The following RANBP9 variants were observed in gnomAD, a reference collection of about 807,000 sequenced individuals.
RANBP9 encodes RAN binding protein 9, also known as ran-binding protein 9.
In RANBP9, 15 loss-of-function variants were observed where a neutral mutation model predicts 84.3. The observed-to-expected ratio is 0.18, with a 90% CI of 0.12 to 0.27. The LOEUF is 0.27. RANBP9 is among the 10% of genes least tolerant of loss of function. The probability of loss-of-function intolerance (pLI) is 1.00; values close to 1 mark genes in which losing one functional copy is unlikely to be tolerated. For synonymous variants in RANBP9, 392 were observed against 349.6 expected, an observed-to-expected ratio of 1.12 and a Z score of -1.35; for missense variants, 809 against 912.8, an observed-to-expected ratio of 0.89 and a Z score of 1.46.
intron 1 of RANBP9, among the ~76,000 whole-genome samples, chr6:13,701,350 T>C (rs1387873496): frequency 6.6e-6 from 1 of 152,226 alleles, no homozygotes; most frequent in African/African-American, 2.4e-5. Flanking sequence ...CTACCAACAA[T>C]ATTTTTAGAA....
Position 13,686,118 on chromosome 6 carries a change from C to A in RANBP9, c.683+10667G>T, listed in dbSNP as rs866270847. ...AATTTCTTCCCCCCCCCCCCCCCGC[C>A]CCCCGAAATAGAGTCTCACTCTGTA... On this transcript the variant is annotated intron_variant, in intron 2 of 13. Transcript: ENST00000011619. Among the ~76,000 whole-genome samples, 21 of 37,004 alleles carry A rather than the reference C, an allele frequency of 5.7e-4. 4 individuals are homozygous for A. Among genetic ancestry groups the A allele is most frequent in the Non-Finnish European group, 8.0e-4 (16 of 20,106 alleles). The allele number at this position is 37,004 out of a possible 152,430, so 24.3% of individuals were successfully genotyped here.
Position 13,642,540 on chromosome 6 carries a change from G to C in RANBP9, c.1164C>G (p.Ala388=). 6.2e-7 allele frequency: 1 copy of C among 1,612,050 alleles called. No individual in the cohort carries two copies. Among genetic ancestry groups the C allele is most frequent in the Non-Finnish European group, 8.5e-7 (1 of 1,178,680 alleles). Residue 388 remains alanine (A), a synonymous_variant, in exon 7 of 14, where the codon GCC becomes GCG. Coordinates refer to ENST00000011619, the MANE Select transcript of RANBP9 (RefSeq NM_005493.3). ...CGGTCTGGTCTGTAGATCTGGCAAA[G>C]GCCTCTGCTGTGGCACAGTACCCAT... The part of the protein sequence containing the change: ...VHHGYCATAE[A]FARSTDQTVL...
At chr6:13,683,556 C>A (rs1766095122) in intron 2 of RANBP9, among the ~76,000 whole-genome samples, 1 of 151,722 alleles carries the variant, frequency 6.6e-6, no homozygotes, top group South Asian at 2.1e-4. Flanking sequence ...CATCTTAAAC[C>A]TATTTTTCTT....
Position 13,689,899 on chromosome 6 carries a change from A to G in RANBP9, c.683+6886T>C, listed in dbSNP as rs115141050. Among the ~76,000 whole-genome samples the G allele has an allele frequency of 2.6e-5, 4 of 152,296 alleles. 1 individual carries two copies. Among genetic ancestry groups the G allele is most frequent in the Non-Finnish European group, 4.4e-5 (3 of 68,010 alleles). ...TTTCTGCTTCCTGCCTTGTCCCACC[A>G]TATCTTCCAAACACCATATACCAAC... is the stretch of plus-strand genomic sequence containing the variant. On this transcript the variant is annotated intron_variant, in intron 2 of 13. Transcript: ENST00000011619.
rs1449690467 is a variant in RANBP9 at position 13,711,497 on chromosome 6, C to G, written c.9G>C (p.Gly3=). MS[G]QPPPPPPQQQ... ...GCTGCGGCGGCGGCGGCGGCGGCTG[C>G]CCGGACATCCCGGCCGCGACTCAGC... is the stretch of plus-strand genomic sequence containing the variant. The change falls in exon 1 of 14, where the codon GGG becomes GGC. Residue 3 remains glycine (G), a synonymous_variant. Coordinates refer to ENST00000011619, the MANE Select transcript of RANBP9 (RefSeq NM_005493.3). 4.0e-6 allele frequency: 5 copies of G among 1,248,834 alleles called. No homozygotes were observed. The highest frequency in any genetic ancestry group is 1.6e-5 in the African/African-American group (1 of 64,298). The allele number at this position is 1,248,834 out of a possible 1,614,324, so 77.4% of individuals were successfully genotyped here. A position where few individuals can be genotyped will look rare whatever the true frequency, so the allele number is the denominator to read the frequency against.
intron 2 of RANBP9, among the ~76,000 whole-genome samples, chr6:13,667,742 T>A (rs147892678): frequency 9.7e-4 from 148 of 152,270 alleles, no homozygotes; most frequent in African/African-American, 3.3e-3. Flanking sequence ...ATGGCCTAGG[T>A]GTTTAATAAG....
At chr6:13,627,737 C>G (rs1232969244) in intron 12 of RANBP9, among the ~76,000 whole-genome samples, 1 of 150,738 alleles carries the variant, frequency 6.6e-6, no homozygotes, top group Non-Finnish European at 1.5e-5. Context: ...ACCCATAGTA[C>G]AGATAAATTT....
intron 2 of RANBP9, among the ~76,000 whole-genome samples, chr6:13,671,139 G>A (rs1273677016): frequency 6.6e-6 from 1 of 152,116 alleles, no homozygotes; most frequent in South Asian, 2.1e-4. Flanking sequence ...ACATACACTA[G>A]GATGGCTAGA....
At chr6:13,637,246 T>C (rs189051060) in intron 10 of RANBP9, among the ~76,000 whole-genome samples, 4 of 152,324 alleles carry the variant, frequency 2.6e-5, no homozygotes, top group Admixed American at 2.6e-4. Flanking sequence ...CAACAAATCC[T>C]CAAAACCATC....
intron 2 of RANBP9, among the ~76,000 whole-genome samples, chr6:13,685,730 C>T (rs1234258826): frequency 1.3e-5 from 2 of 152,078 alleles, no homozygotes; most frequent in African/African-American, 2.4e-5. Flanking sequence ...GAGATCGAGA[C>T]CATCCTGGCC....
At position 13,632,635 on chromosome 6, in the gene RANBP9, C is replaced by T. The variant is rs570557963; in HGVS notation, c.1796-114G>A. ...ATTTAGTAACTATTCCCTAATATTTCATCTAAATATGCAGATTGTTAAAAA... is the reference window on the plus strand; with the variant it reads ...ATTTAGTAACTATTCCCTAATATTTTATCTAAATATGCAGATTGTTAAAAA... On this transcript the variant is annotated intron_variant, in intron 11 of 13. Coordinates refer to ENST00000011619, the MANE Select transcript of RANBP9 (RefSeq NM_005493.3). 50 of 984,974 alleles carry T rather than the reference C, an allele frequency of 5.1e-5. No individual in the cohort carries two copies. The African/African-American group carries it at 6.5e-4, about 13-fold the overall frequency. 61.0% of individuals were successfully genotyped at this position (984,974 alleles called of 1,614,324 possible).
intron 6 of RANBP9, among the ~76,000 whole-genome samples, chr6:13,644,041 A>C (rs923816128): frequency 6.6e-6 from 1 of 152,188 alleles, no homozygotes; most frequent in Non-Finnish European, 1.5e-5. Context: ...AGTGAAGAGG[A>C]CTTTTTAAAT....
chr6:13,666,096 G>A (rs1316488917), intron 2 of RANBP9, among the ~76,000 whole-genome samples: 3 of 152,058 alleles, frequency 2.0e-5, no homozygotes, highest in Non-Finnish European at 4.4e-5. Context: ...CACTTAAGAT[G>A]TGTGCATTTC....
intron 5 of RANBP9, among the ~76,000 whole-genome samples, chr6:13,647,078 A>T (rs907009690): frequency 3.3e-5 from 5 of 152,342 alleles, no homozygotes; most frequent in Middle Eastern, 3.4e-3. Context: ...CTGTACACAG[A>T]AATGTAAACT....
chr6:13,657,292 C>G lies in RANBP9; in HGVS notation c.737-16G>C. 1 of 1,600,410 alleles carries G rather than the reference C, an allele frequency of 6.2e-7. No homozygotes were observed. The highest frequency in any genetic ancestry group is 8.5e-7 in the Non-Finnish European group (1 of 1,171,436). ...TTATCCCAACCTAAGGAGAAAGTTCCGGCATATTTACAATGAAAAGTAAGG... is the reference window on the plus strand; with the variant it reads ...TTATCCCAACCTAAGGAGAAAGTTCGGGCATATTTACAATGAAAAGTAAGG... On this transcript the variant is annotated splice_polypyrimidine_tract_variant and intron_variant, in intron 3 of 13. Transcript: ENST00000011619.
rs548365179 is a variant in RANBP9 at position 13,708,237 on chromosome 6, C to T, written c.571+2698G>A. Among the ~76,000 whole-genome samples the T allele has an allele frequency of 2.6e-5, 4 of 151,978 alleles. No homozygotes were observed. The South Asian group carries it at 6.2e-4, about 24-fold the overall frequency. ...AAACATTCAACACTAGCCTAGGCAACACAGTAAGACCCCATCTCCACAAAA... is the reference window on the plus strand; with the variant it reads ...AAACATTCAACACTAGCCTAGGCAATACAGTAAGACCCCATCTCCACAAAA... On this transcript the variant is annotated intron_variant, in intron 1 of 13. Coordinates refer to ENST00000011619, the MANE Select transcript of RANBP9 (RefSeq NM_005493.3).
chr6:13,628,140 T>C (rs1306412275), intron 12 of RANBP9, among the ~76,000 whole-genome samples: 1 of 152,268 alleles, frequency 6.6e-6, no homozygotes, highest in African/African-American at 2.4e-5. Context: ...TTATCATGTC[T>C]ATCATCTAGA....
At chr6:13,698,460 TA>T (rs1318560776) in intron 1 of RANBP9, among the ~76,000 whole-genome samples, 1 of 152,184 alleles carries the variant, frequency 6.6e-6, no homozygotes, top group Non-Finnish European at 1.5e-5. Context: ...TATGTTCAAA[TA>T]ATTAAGTTAC....
chr6:13,711,477 G>GGCT lies in RANBP9; in HGVS notation c.28_29insAGC (p.Pro9_Pro10insGln). ...CTGCTGCTGCTGTTGCTGCTGCTGC[G>GGCT]GCGGCGGCGGCGGCGGCTGCCCGGA... On this transcript the variant is annotated inframe_insertion, in exon 1 of 14. Transcript: ENST00000011619. The GGCT allele has an allele frequency of 8.5e-7, 1 of 1,182,480 alleles. No homozygotes were observed. The highest frequency in any genetic ancestry group is 3.7e-5 in the East Asian group (1 of 27,356). The allele number at this position is 1,182,480 out of a possible 1,614,324, so 73.2% of individuals were successfully genotyped here.
Sources: gnomAD v4.1 joint callset for allele counts (sites outside exome capture counted in the v4.1 genomes callset) on GRCh38, gnomAD v4.1.1 for gene constraint, MANE v1.5 for transcripts, NCBI Gene and HGNC (gene_info 2026-07-23, HGNC 2026-07-21) for gene names.